Variants in PDE12 observed in about 807,000 individuals in gnomAD.
The protein encoded by PDE12 is phosphodiesterase 12.
PDE12 carries 26 observed loss-of-function variants against 45.4 expected under a neutral mutation model. The observed-to-expected ratio is 0.57, with a 90% confidence interval of 0.42 to 0.79. PDE12 has a LOEUF of 0.79. Ranked by LOEUF, PDE12 falls within the 30% of genes least tolerant of loss-of-function variation. The pLI, the probability that PDE12 is intolerant of heterozygous loss-of-function variation, is 0.00. For missense variants in PDE12, 668 were observed against 790.0 expected, an observed-to-expected ratio of 0.85 and a Z score of 1.85; for synonymous variants, 283 against 323.9, an observed-to-expected ratio of 0.87 and a Z score of 1.36.
In PDE12 at chr3:57,559,780, C is replaced by G. The variant is rs2069707668; in HGVS notation, c.1606C>G (p.His536Asp). Residue 536 changes from histidine to aspartate, a missense_variant, in exon 3 of 3, where the codon CAT becomes GAT. Coordinates refer to ENST00000311180, the MANE Select transcript of PDE12 (RefSeq NM_177966.7). ...GGAAAGATGCAATATGTCTCTTACA[C>G]ATTTCTTCAAGCTGAAAAGTGCTTG... ...EEERCNMSLT[H>D]FFKLKSACGE... is the part of the protein sequence containing the mutation. 6.8e-6 allele frequency: 11 copies of G among 1,614,088 alleles called. No homozygotes were observed. The highest frequency in any genetic ancestry group is 1.3e-5 in the African/African-American group (1 of 74,932).
chr3:57,654,281 G>C, the PDE12 span, among the ~76,000 whole-genome samples: 10 of 152,026 alleles, frequency 6.6e-5, no homozygotes, highest in Non-Finnish European at 1.3e-4. Context: ...GAATTAAACA[G>C]TGGTTTCAAC....
the PDE12 span, among the ~76,000 whole-genome samples, chr3:57,581,585 G>A: frequency 6.6e-6 from 1 of 152,304 alleles, no homozygotes; most frequent in East Asian, 1.9e-4. Flanking sequence ...TGGATCACAT[G>A]AGGTCAGGAG....
the PDE12 span, chr3:57,634,737 G>GT: frequency 6.4e-7 from 1 of 1,571,530 alleles, no homozygotes; most frequent in Non-Finnish European, 8.6e-7. Context: ...AGATTCTTCA[G>GT]TTTTTTCACT....
At chr3:57,577,198 T>A in the PDE12 span, 1 of 821,168 alleles carries the variant, frequency 1.2e-6, no homozygotes, top group East Asian at 2.5e-5. Flanking sequence ...TTAAGTTTAT[T>A]TCTAGCCCCC....
chr3:57,588,118 C>T, the PDE12 span, among the ~76,000 whole-genome samples: 3 of 152,236 alleles, frequency 2.0e-5, no homozygotes, highest in South Asian at 2.1e-4. Context: ...TTCAACTAGC[C>T]AAGATAAGAC....
the PDE12 span, among the ~76,000 whole-genome samples, chr3:57,636,770 C>A: frequency 6.6e-6 from 1 of 151,774 alleles, no homozygotes; most frequent in African/African-American, 2.4e-5. Flanking sequence ...AGCCCTGTCT[C>A]CACTAAAAAT....
chr3:57,592,216 C>T, the PDE12 span, among the ~76,000 whole-genome samples: 5 of 152,056 alleles, frequency 3.3e-5, no homozygotes, highest in Non-Finnish European at 7.4e-5. Flanking sequence ...TGGCCAGGCA[C>T]GGTGACTCAT....
the PDE12 span, among the ~76,000 whole-genome samples, chr3:57,645,185 G>A: frequency 9.1e-3 from 1,384 of 152,144 alleles, 15 homozygotes; most frequent in African/African-American, 0.032. Flanking sequence ...CACGTGGGCC[G>A]GGTGTGGTGG....
chr3:57,637,194 G>C, the PDE12 span, among the ~76,000 whole-genome samples: 1 of 152,118 alleles, frequency 6.6e-6, no homozygotes, highest in African/African-American at 2.4e-5. Context: ...TAAAGCATGG[G>C]CAGAACTTGA....
At chr3:57,580,773 TC>T in the PDE12 span, among the ~76,000 whole-genome samples, 1 of 144,438 alleles carries the variant, frequency 6.9e-6, no homozygotes, top group African/African-American at 2.5e-5. Context: ...CCATTTTTAT[TC>T]TTTTTTTTTT....
At chr3:57,644,401 G>A in the PDE12 span, among the ~76,000 whole-genome samples, 1 of 151,682 alleles carries the variant, frequency 6.6e-6, no homozygotes, top group Non-Finnish European at 1.5e-5. Context: ...TGCCTCCTAG[G>A]CTCAAGCCAT....
intron 1 of PDE12, among the ~76,000 whole-genome samples, chr3:57,558,574 T>G (rs2069691428): frequency 6.6e-6 from 1 of 152,144 alleles, no homozygotes; most frequent in Admixed American, 6.5e-5. Flanking sequence ...CACCGCAACT[T>G]CCGCCTCCCG....
the PDE12 span, chr3:57,572,013 G>C: frequency 8.3e-6 from 4 of 481,964 alleles, no homozygotes; most frequent in Admixed American, 7.3e-5. Flanking sequence ...TTTTCCCAAG[G>C]AGAATTTCTT....
chr3:57,612,415 AAAGT>A, the PDE12 span, among the ~76,000 whole-genome samples: 2 of 152,136 alleles, frequency 1.3e-5, no homozygotes, highest in South Asian at 2.1e-4. Context: ...TATATACCTT[AAAGT>A]AACCACTAAA....
the PDE12 span, chr3:57,584,151 C>A: frequency 1.4e-6 from 1 of 711,682 alleles, no homozygotes; most frequent in Non-Finnish European, 2.3e-6. Flanking sequence ...TCAACAGAGA[C>A]AAGGCCTCAT....
At chr3:57,617,165 G>A in the PDE12 span, among the ~76,000 whole-genome samples, 3 of 152,068 alleles carry the variant, frequency 2.0e-5, no homozygotes, top group Non-Finnish European at 2.9e-5. Flanking sequence ...TGCTCTTTGG[G>A]AGGCTGAAGC....
At chr3:57,631,165 A>T in the PDE12 span, 8 of 571,744 alleles carry the variant, frequency 1.4e-5, no homozygotes, top group Middle Eastern at 4.7e-4. Flanking sequence ...TTCAAATAAA[A>T]ATTCAACTAA....
chr3:57,594,446 C>T, the PDE12 span, among the ~76,000 whole-genome samples: 1 of 152,092 alleles, frequency 6.6e-6, no homozygotes. Flanking sequence ...GCATAACTTA[C>T]CCTTATAACT....
Position 57,556,650 on chromosome 3 carries a change from G to A in PDE12, c.271G>A (p.Ala91Thr), listed in dbSNP as rs938446691. The A allele has an allele frequency of 2.5e-6, 4 of 1,600,350 alleles. No homozygotes were observed. Among genetic ancestry groups the A allele is most frequent in the Non-Finnish European group, 3.4e-6 (4 of 1,170,374 alleles). Residue 91 changes from alanine to threonine, a missense_variant, in exon 1 of 3, where the codon GCC becomes ACC. Ala to Thr is a moderately conservative substitution (Grantham distance 58). Transcript: ENST00000311180. This position sits in a 1 kb window ranked among gnomAD's most constrained non-coding sequence, Gnocchi z 5.0. The part of the protein sequence containing the change: ...NALKGHAKAA[A>T]AKKSRKSRPN... ...CCTAAAGGGTCACGCTAAGGCGGCC[G>A]CCGCCAAGAAGAGCAGGAAGAGCCG...
Sources: allele counts gnomAD v4.1 joint callset (sites outside exome capture counted in the v4.1 genomes callset), GRCh38; gene constraint gnomAD v4.1.1; non-coding constraint Gnocchi (gnomAD v3.1); transcripts MANE v1.5; gene names NCBI Gene and HGNC (gene_info 2026-07-23, HGNC 2026-07-21).